NRXN1: variants seen among roughly 807,000 people sequenced by gnomAD.
NRXN1 encodes neurexin-1.
NRXN1 carries 39 observed loss-of-function variants against 150.9 expected under a neutral mutation model. That is an observed-to-expected ratio of 0.26 (90% CI 0.20 to 0.34). The LOEUF (loss-of-function observed/expected upper bound fraction) is 0.34. Ranked by LOEUF, NRXN1 falls within the 10% of genes least tolerant of loss-of-function variation. NRXN1 has a pLI of 1.00. For synonymous variants in NRXN1, 924 were observed against 757.0 expected, an observed-to-expected ratio of 1.22 and a Z score of -3.62; for missense variants, 1,815 against 1,949.9, an observed-to-expected ratio of 0.93 and a Z score of 1.30.
intron 5 of NRXN1, among the ~76,000 whole-genome samples, chr2:50,812,064 T>C (rs1668290068): frequency 6.6e-6 from 1 of 152,116 alleles, no homozygotes; most frequent in African/African-American, 2.4e-5. Flanking sequence ...ATGTGTGCAT[T>C]GAGAAACCAG....
At chr2:50,335,251 C>A (rs79480679) in intron 17 of NRXN1, among the ~76,000 whole-genome samples, 5,869 of 152,196 alleles carry the variant, frequency 0.039, 377 homozygotes, top group African/African-American at 0.13. Context: ...GAGCATTTTC[C>A]TTTGACTTGG....
intron 5 of NRXN1, among the ~76,000 whole-genome samples, chr2:50,768,405 C>T (rs1559233968): frequency 2.0e-5 from 3 of 151,884 alleles, no homozygotes; most frequent in Non-Finnish European, 4.4e-5. Context: ...ATCACCTGAG[C>T]TCTAGCCATC....
intron 18 of NRXN1, among the ~76,000 whole-genome samples, chr2:50,125,198 T>A (rs1217108190): frequency 6.6e-6 from 1 of 152,174 alleles, no homozygotes; most frequent in Admixed American, 6.6e-5. Context: ...ATTATTGATA[T>A]GTAGAAAATG....
intron 8 of NRXN1, among the ~76,000 whole-genome samples, chr2:50,584,061 C>A (rs1334276287): frequency 6.6e-6 from 1 of 152,062 alleles, no homozygotes. Flanking sequence ...AAAAAGTCTA[C>A]CCAGTATACT....
intron 18 of NRXN1, among the ~76,000 whole-genome samples, chr2:50,168,846 T>C (rs2152798474): frequency 6.6e-6 from 1 of 152,334 alleles, no homozygotes; most frequent in South Asian, 2.1e-4. Flanking sequence ...GATTTCGTCT[T>C]CCATTTACAA....
At chr2:50,602,750 G>C (rs1439440414) in intron 8 of NRXN1, among the ~76,000 whole-genome samples, 1 of 152,156 alleles carries the variant, frequency 6.6e-6, no homozygotes, top group African/African-American at 2.4e-5. Context: ...TACTGACCCA[G>C]AAAAGAAAGC....
chr2:50,967,029 T>C (rs957094301), intron 2 of NRXN1, among the ~76,000 whole-genome samples: 10 of 151,918 alleles, frequency 6.6e-5, no homozygotes, highest in Admixed American at 3.9e-4. Context: ...GGAAATAAGT[T>C]GTTAAAATGT....
intron 17 of NRXN1, among the ~76,000 whole-genome samples, chr2:50,245,193 T>A (rs2066384052): frequency 6.6e-6 from 1 of 151,950 alleles, no homozygotes. Context: ...GACAAACTTG[T>A]TTTGAGATCA....
chr2:50,078,513 C>G (rs918791340), intron 19 of NRXN1, among the ~76,000 whole-genome samples: 6 of 151,918 alleles, frequency 3.9e-5, no homozygotes, highest in African/African-American at 1.4e-4. Context: ...AAAGTATACA[C>G]TTTATTTTGT....
At chr2:50,535,273 A>G (rs762109875) in intron 10 of NRXN1, among the ~76,000 whole-genome samples, 6 of 152,244 alleles carry the variant, frequency 3.9e-5, no homozygotes, top group Non-Finnish European at 7.3e-5. Context: ...GCTAATTCCA[A>G]TACAATACTT....
intron 15 of NRXN1, among the ~76,000 whole-genome samples, chr2:50,485,439 G>A (rs1239222384): frequency 6.6e-6 from 1 of 152,238 alleles, no homozygotes; most frequent in African/African-American, 2.4e-5. Flanking sequence ...GCCTAGCAAG[G>A]CAGCTCTCAG....
At chr2:50,493,637 C>G (rs557836137) in intron 15 of NRXN1, among the ~76,000 whole-genome samples, 2 of 152,314 alleles carry the variant, frequency 1.3e-5, no homozygotes, top group South Asian at 4.1e-4. Context: ...GCAGGCTGTT[C>G]TCAAACTCCC....
intron 5 of NRXN1, among the ~76,000 whole-genome samples, chr2:50,872,057 T>G (rs1048257020): frequency 6.6e-6 from 1 of 151,848 alleles, no homozygotes; most frequent in Admixed American, 6.6e-5. Flanking sequence ...ACCCTACTAC[T>G]CAGAGACAAC....
intron 5 of NRXN1, among the ~76,000 whole-genome samples, chr2:50,763,570 C>T (rs1702058988): frequency 6.6e-6 from 1 of 151,826 alleles, no homozygotes; most frequent in African/African-American, 2.4e-5. Context: ...AATTAATTAG[C>T]TGAGAGCTTT....
intron 18 of NRXN1, among the ~76,000 whole-genome samples, chr2:50,152,953 G>A (rs2152774646): frequency 6.6e-6 from 1 of 151,540 alleles, no homozygotes; most frequent in East Asian, 1.9e-4. Flanking sequence ...TCCAAAATGT[G>A]TGTGTTCATT....
chr2:49,956,525 T>C (rs139569198), intron 21 of NRXN1, among the ~76,000 whole-genome samples: 473 of 152,274 alleles, frequency 3.1e-3, no homozygotes, highest in Non-Finnish European at 4.5e-3. Flanking sequence ...CTCTTCCTAT[T>C]TCATTCATGG....
intron 17 of NRXN1, among the ~76,000 whole-genome samples, chr2:50,459,704 A>G (rs1013624242): frequency 6.6e-6 from 1 of 152,066 alleles, no homozygotes; most frequent in Non-Finnish European, 1.5e-5. Context: ...TCTTTATTCA[A>G]TCTGTCATAC....
rs577030268 is a variant in NRXN1, at chr2:50,891,762, G to C, written c.832+30107C>G. On this transcript the variant is annotated intron_variant, in intron 5 of 22. Coordinates refer to ENST00000401669, the MANE Select transcript of NRXN1 (RefSeq NM_001330078.2). Reference sequence around the variant, plus strand: ...GGAATGGGAATGTACCATAAGCCTGGATCAGGGTAAACTCTTGTTTTTATA... The same window carrying C: ...GGAATGGGAATGTACCATAAGCCTGCATCAGGGTAAACTCTTGTTTTTATA... Among the ~76,000 whole-genome samples, 13 of 152,178 alleles carry C rather than the reference G, an allele frequency of 8.5e-5. No individual in the cohort carries two copies. In the East Asian group the frequency reaches 2.5e-3, roughly 30 times the overall value.
chr2:50,282,978 CT>C (rs934198897), intron 17 of NRXN1, among the ~76,000 whole-genome samples: 1 of 152,110 alleles, frequency 6.6e-6, no homozygotes, highest in African/African-American at 2.4e-5. Flanking sequence ...TGCTTAAACT[CT>C]TTGAGTCATG....
Sources: allele counts gnomAD v4.1 joint callset (sites outside exome capture counted in the v4.1 genomes callset), GRCh38; gene constraint gnomAD v4.1.1; transcripts MANE v1.5; gene names NCBI Gene and HGNC (gene_info 2026-07-23, HGNC 2026-07-21).